The following PTK2B variants were observed in gnomAD, a reference collection of about 807,000 sequenced individuals.
The protein encoded by PTK2B is protein-tyrosine kinase 2-beta.
In PTK2B, 71 loss-of-function variants were observed where a neutral mutation model predicts 142.9. The observed-to-expected ratio is 0.50, with a 90% confidence interval of 0.41 to 0.61. PTK2B has a LOEUF of 0.61. Ranked by LOEUF, PTK2B falls within the 20% of genes least tolerant of loss-of-function variation. The pLI, the probability that PTK2B is intolerant of heterozygous loss-of-function variation, is 0.00. For missense variants in PTK2B, 1,105 were observed against 1,320.4 expected (o/e 0.84, Z 2.53); for synonymous variants, 519 against 503.4 (o/e 1.03, Z -0.42).
intron 1 of PTK2B, among the ~76,000 whole-genome samples, chr8:27,350,817 A>C (rs890880266): frequency 8.0e-5 from 12 of 149,898 alleles, no homozygotes; most frequent in Non-Finnish European, 1.5e-4. Flanking sequence ...ATCTCTACTA[A>C]AAATACAAAA....
intron 15 of PTK2B, among the ~76,000 whole-genome samples, 168 bp downstream of exon 15, chr8:27,436,516 G>T (rs968405149): frequency 7.2e-5 from 11 of 152,170 alleles, no homozygotes; most frequent in African/African-American, 2.4e-4. Context: ...AATACTCAAA[G>T]AGTGGTGGAG....
intron 7 of PTK2B, 148 bp downstream of exon 7, chr8:27,430,566 G>A (rs112770136): frequency 1.2e-5 from 13 of 1,096,774 alleles, no homozygotes; most frequent in Middle Eastern, 2.6e-4. Flanking sequence ...ATGTACCCAG[G>A]GGTCCTCTCT....
intron 2 of PTK2B, among the ~76,000 whole-genome samples, chr8:27,398,618 T>C (rs1586236458): frequency 1.3e-5 from 2 of 152,324 alleles, no homozygotes; most frequent in East Asian, 3.9e-4. Context: ...TTTCTGATGA[T>C]GGGAGGGAAA....
intron 1 of PTK2B, among the ~76,000 whole-genome samples, chr8:27,367,061 G>T (rs1806059071): frequency 6.6e-6 from 1 of 152,106 alleles, no homozygotes; most frequent in Admixed American, 6.5e-5. Context: ...AGTCTCTCTG[G>T]ATTAAGAAAG....
intron 9 of PTK2B, 141 bp downstream of exon 9, chr8:27,431,613 T>C (rs1810432092): frequency 1.9e-6 from 2 of 1,030,666 alleles, no homozygotes; most frequent in Non-Finnish European, 1.4e-6. Context: ...TGCCCTGGCG[T>C]GAGCAGCAGT....
At chr8:27,399,505 T>C (rs1220365481) in intron 2 of PTK2B, among the ~76,000 whole-genome samples, 1 of 152,152 alleles carries the variant, frequency 6.6e-6, no homozygotes, top group African/African-American at 2.4e-5. Context: ...AATTTGGAAA[T>C]GGACAGGCAC....
chr8:27,397,620 G>A lies in PTK2B; in HGVS notation c.36G>A (p.Lys12=), dbSNP rs777008526. ...TGTCCGAGCCCCTGAGTCGAGTAAA[G>A]TTGGGCACGTTACGCCGGCCTGAAG... ...SGVSEPLSRV[K]LGTLRRPEGP... is the part of the protein sequence containing the mutation. Residue 12 remains lysine, a synonymous_variant, in exon 2 of 31, where the codon AAG becomes AAA. Transcript: ENST00000346049. The A allele has an allele frequency of 1.3e-5, 21 of 1,614,080 alleles. 1 individual carries two copies. Among genetic ancestry groups the A allele is most frequent in the Middle Eastern group, 3.3e-4 (2 of 6,042 alleles).
At chr8:27,403,749 TTGCTGC>T (rs150857122) in intron 2 of PTK2B, among the ~76,000 whole-genome samples, 27 of 151,662 alleles carry the variant, frequency 1.8e-4, no homozygotes, top group South Asian at 8.3e-4. Context: ...TCTTTGGCTC[TTGCTGC>T]TGCTGCTGCT....
intron 30 of PTK2B, among the ~76,000 whole-genome samples, chr8:27,456,370 C>T (rs1463663796): frequency 6.6e-6 from 1 of 152,142 alleles, no homozygotes; most frequent in African/African-American, 2.4e-5. Context: ...ATGATTATAA[C>T]GGCTATGGTT....
rs76601210 is a variant in PTK2B at position 27,331,141 on chromosome 8, G to A, written c.-38+5460G>A. Reference sequence around the variant, plus strand: ...CACCTCGCCCAGGGTTTAGAGCTCGGTACCAGGTTTAATTCACATCTCCTG... The same window carrying A: ...CACCTCGCCCAGGGTTTAGAGCTCGATACCAGGTTTAATTCACATCTCCTG... On this transcript the variant is annotated intron_variant, in intron 1 of 30. Transcript: ENST00000346049. Among the ~76,000 whole-genome samples, 135 of 152,326 alleles carry A rather than the reference G, an allele frequency of 8.9e-4. No individual in the cohort carries two copies. The East Asian group carries it at 0.011, about 13-fold the overall frequency.
At chr8:27,406,029 C>T (rs1341569006) in intron 2 of PTK2B, among the ~76,000 whole-genome samples, 4 of 152,176 alleles carry the variant, frequency 2.6e-5, no homozygotes, top group Admixed American at 6.5e-5. Flanking sequence ...AGTCCTAAAT[C>T]AAGGTGTCAG....
intron 1 of PTK2B, among the ~76,000 whole-genome samples, chr8:27,385,892 CAAAAAAA>C (rs71553856): frequency 9.1e-6 from 1 of 110,024 alleles, no homozygotes; most frequent in African/African-American, 3.6e-5. Flanking sequence ...GATTCCGTCT[CAAAAAAA>C]AAAAAAAAAA....
chr8:27,332,249 A>G (rs900235762), intron 1 of PTK2B, among the ~76,000 whole-genome samples: 5 of 152,236 alleles, frequency 3.3e-5, no homozygotes, highest in African/African-American at 1.2e-4. Flanking sequence ...TACATTGGCT[A>G]AATCTCTTTC....
chr8:27,349,397 C>T (rs1200046439), intron 1 of PTK2B, among the ~76,000 whole-genome samples: 2 of 152,328 alleles, frequency 1.3e-5, no homozygotes, highest in East Asian at 3.9e-4. Flanking sequence ...AACCACATGG[C>T]ATACAGTCAG....
chr8:27,405,714 T>G (rs1282159528), intron 2 of PTK2B, among the ~76,000 whole-genome samples: 1 of 152,232 alleles, frequency 6.6e-6, no homozygotes, highest in Non-Finnish European at 1.5e-5. Flanking sequence ...CCACATTCAT[T>G]GCATCCACAA....
At chr8:27,407,616 C>A (rs912924860) in intron 2 of PTK2B, among the ~76,000 whole-genome samples, 1 of 152,204 alleles carries the variant, frequency 6.6e-6, no homozygotes, top group Non-Finnish European at 1.5e-5. Flanking sequence ...AGAGCCACTA[C>A]TGGACAGGTG....
intron 18 of PTK2B, among the ~76,000 whole-genome samples, chr8:27,438,220 CA>C (rs1346533119): frequency 1.3e-5 from 2 of 152,192 alleles, no homozygotes; most frequent in Non-Finnish European, 2.9e-5. Context: ...GGCTTGGTGG[CA>C]CATGGCCCAG....
chr8:27,422,210 G>A, intron 4 of PTK2B, 94 bp from the exon 5 acceptor site: 1 of 1,212,382 alleles, frequency 8.2e-7, no homozygotes, highest in East Asian at 2.7e-5. Context: ...GTCACTCAGG[G>A]AGGCAGAATG....
chr8:27,431,493 C>G, intron 9 of PTK2B, 21 bp downstream of exon 9: 1 of 1,613,214 alleles, frequency 6.2e-7, no homozygotes, highest in Non-Finnish European at 8.5e-7. Context: ...CCGGGGCAGC[C>G]CCACCCAGCC....
Sources: gnomAD v4.1 joint callset for allele counts (sites outside exome capture counted in the v4.1 genomes callset) on GRCh38, gnomAD v4.1.1 for gene constraint, MANE v1.5 for transcripts, NCBI Gene and HGNC (gene_info 2026-07-23, HGNC 2026-07-21) for gene names.